Variants in SLCO3A1 observed in about 807,000 individuals in gnomAD.
The protein encoded by SLCO3A1 is PGE1 transporter.
In SLCO3A1, 27 loss-of-function variants were observed where a neutral mutation model predicts 63.1. The ratio of observed to expected loss-of-function variants is 0.43; its 90% CI spans 0.32 to 0.59. The LOEUF (loss-of-function observed/expected upper bound fraction) is 0.59. SLCO3A1 is among the 20% of genes least tolerant of loss of function. The pLI, the probability that SLCO3A1 is intolerant of heterozygous loss-of-function variation, is 0.09. For synonymous variants in SLCO3A1, 473 were observed against 409.9 expected, an observed-to-expected ratio of 1.15 and a Z score of -1.86; for missense variants, 773 against 945.8, an observed-to-expected ratio of 0.82 and a Z score of 2.40.
intron 3 of SLCO3A1, among the ~76,000 whole-genome samples, chr15:92,100,671 C>A (rs768836845): frequency 1.3e-5 from 2 of 152,194 alleles, no homozygotes; most frequent in African/African-American, 4.8e-5. Flanking sequence ...CTATGCCAAG[C>A]CTGCCTGAGA....
intron 2 of SLCO3A1, among the ~76,000 whole-genome samples, chr15:92,055,242 CT>C (rs1267262607): frequency 3.3e-5 from 5 of 152,048 alleles, no homozygotes; most frequent in African/African-American, 7.3e-5. Context: ...GCATAAATGT[CT>C]TCTCTTGAGA....
chr15:92,164,459 C>T lies in SLCO3A1; in HGVS notation c.*1324C>T, dbSNP rs1200830971. The stretch of plus-strand genomic sequence containing the variant: ...ATTCAGTGATCACTGTCACGGGAAA[C>T]CCTTTTATATTCATGCTTGACATTC... On this transcript the variant is annotated 3_prime_UTR_variant, in exon 10 of 10. Transcript: ENST00000318445. 1.3e-5 allele frequency: 13 copies of T among 985,420 alleles called. No homozygotes were observed. Among genetic ancestry groups the T allele is most frequent in the Non-Finnish European group, 1.4e-5 (12 of 829,946 alleles). 61.0% of individuals were successfully genotyped at this position (985,420 alleles called of 1,614,324 possible).
At chr15:92,112,596 G>A (rs552688985) in intron 4 of SLCO3A1, among the ~76,000 whole-genome samples, 1 of 152,128 alleles carries the variant, frequency 6.6e-6, no homozygotes, top group Non-Finnish European at 1.5e-5. Flanking sequence ...CAGAAGCAGT[G>A]GGGGGTTCTT....
chr15:91,940,221 A>C (rs1194952263), intron 2 of SLCO3A1, among the ~76,000 whole-genome samples: 1 of 152,164 alleles, frequency 6.6e-6, no homozygotes, highest in Non-Finnish European at 1.5e-5. Context: ...GCCTAGGTTC[A>C]GGTCAGTGTC....
At chr15:92,005,149 T>G (rs138372042) in intron 2 of SLCO3A1, among the ~76,000 whole-genome samples, 49 of 152,340 alleles carry the variant, frequency 3.2e-4, no homozygotes, top group Non-Finnish European at 4.3e-4. Context: ...GAAACAAGTC[T>G]TTAGAACCCT....
At chr15:91,924,358 A>C (rs1898943323) in intron 2 of SLCO3A1, among the ~76,000 whole-genome samples, 2 of 152,168 alleles carry the variant, frequency 1.3e-5, no homozygotes, top group African/African-American at 4.8e-5. Flanking sequence ...CAACTCATTG[A>C]AATCTTCTCC....
intron 2 of SLCO3A1, among the ~76,000 whole-genome samples, chr15:91,921,200 C>T (rs929649064): frequency 6.6e-6 from 1 of 152,212 alleles, no homozygotes; most frequent in East Asian, 1.9e-4. Context: ...TGTGTCCTCA[C>T]GTGGTCTTCC....
rs1453837171 is a variant in SLCO3A1, at chr15:91,872,270, C to T, written c.180+18182C>T. Among the ~76,000 whole-genome samples the T allele has an allele frequency of 2.0e-5, 3 of 152,160 alleles. No homozygotes were observed. The highest frequency in any genetic ancestry group is 6.5e-5 in the Admixed American group (1 of 15,282). On this transcript the variant is annotated intron_variant, in intron 1 of 9. Coordinates refer to ENST00000318445, the MANE Select transcript of SLCO3A1 (RefSeq NM_013272.4). This position sits in a 1 kb window ranked among gnomAD's most constrained non-coding sequence, Gnocchi z 4.1. ...TGTGCTGGATGGGCACGGTGGCTCA[C>T]GCCTGTAATCCCAGCACTTTGGGAA...
At chr15:92,034,135 T>G (rs2046693203) in intron 2 of SLCO3A1, among the ~76,000 whole-genome samples, 7 of 148,176 alleles carry the variant, frequency 4.7e-5, no homozygotes, top group South Asian at 2.1e-4. Flanking sequence ...TGTGGAGGAG[T>G]GAGGAGGAAA....
chr15:91,905,954 G>A (rs1416950517), intron 1 of SLCO3A1, among the ~76,000 whole-genome samples: 2 of 152,178 alleles, frequency 1.3e-5, no homozygotes, highest in Non-Finnish European at 1.5e-5. Flanking sequence ...CCTTGCTGAC[G>A]CAGGGGCACA....
At chr15:92,010,508 A>G (rs2046357599) in intron 2 of SLCO3A1, among the ~76,000 whole-genome samples, 1 of 152,174 alleles carries the variant, frequency 6.6e-6, no homozygotes, top group Non-Finnish European at 1.5e-5. Flanking sequence ...TCAATGGCAT[A>G]TTGATTGGTG....
chr15:92,101,931 C>G (rs78135166), intron 3 of SLCO3A1, among the ~76,000 whole-genome samples: 1 of 152,056 alleles, frequency 6.6e-6, no homozygotes, highest in East Asian at 1.9e-4. Context: ...CAAGTTGACA[C>G]GTTCACACAA....
At chr15:92,010,951 A>C (rs1158325030) in intron 2 of SLCO3A1, among the ~76,000 whole-genome samples, 1 of 152,234 alleles carries the variant, frequency 6.6e-6, no homozygotes, top group African/African-American at 2.4e-5. Flanking sequence ...GGATCTTCAC[A>C]GTAGCCATCT....
intron 1 of SLCO3A1, among the ~76,000 whole-genome samples, chr15:91,915,557 GA>G (rs1447463629): frequency 6.6e-6 from 1 of 152,132 alleles, no homozygotes; most frequent in Non-Finnish European, 1.5e-5. Flanking sequence ...ACCTCCTGCG[GA>G]AAATCTCCTG....
At chr15:92,072,500 G>C (rs1381279653) in intron 2 of SLCO3A1, among the ~76,000 whole-genome samples, 3 of 152,036 alleles carry the variant, frequency 2.0e-5, no homozygotes, top group Non-Finnish European at 4.4e-5. Context: ...ACAAAAGATT[G>C]GTTTTCTGAG....
At chr15:92,159,282 C>G (rs1384330422) in intron 9 of SLCO3A1, among the ~76,000 whole-genome samples, 1 of 152,084 alleles carries the variant, frequency 6.6e-6, no homozygotes, top group Non-Finnish European at 1.5e-5. Flanking sequence ...GTCAAGAGAT[C>G]GAGACCATCC....
In SLCO3A1 at chr15:91,916,740, A is replaced by G. The variant is rs1287815535; in HGVS notation, c.646+282A>G. On this transcript the variant is annotated intron_variant, in intron 2 of 9. Transcript: ENST00000318445. This position sits in a 1 kb window ranked among gnomAD's most constrained non-coding sequence, Gnocchi z 6.2. ...CATGATCGGGAGGAGTTGTATGTTTATCTCTTCTTTTTGAGTGCGTATGTG... is the reference window on the plus strand; with the variant it reads ...CATGATCGGGAGGAGTTGTATGTTTGTCTCTTCTTTTTGAGTGCGTATGTG... Among the ~76,000 whole-genome samples the G allele has an allele frequency of 6.6e-6, 1 of 152,194 alleles. No individual in the cohort carries two copies. Among genetic ancestry groups the G allele is most frequent in the African/African-American group, 2.4e-5 (1 of 41,448 alleles).
intron 9 of SLCO3A1, among the ~76,000 whole-genome samples, chr15:92,151,687 G>A (rs113025394): frequency 0.016 from 2,404 of 152,234 alleles, 22 homozygotes; most frequent in South Asian, 0.026. Context: ...ATACCACACC[G>A]TTGCTTTATG....
At chr15:92,030,984 A>AGCAGCCAACCATCTG (rs543844847) in intron 2 of SLCO3A1, among the ~76,000 whole-genome samples, 27,123 of 130,376 alleles carry the variant, frequency 0.21, 2,720 homozygotes, top group Non-Finnish European at 0.22. Context: ...CTGTAGCTGC[A>AGCAGCCAACCATCTG]GCATCTTGTC....
Sources: allele counts gnomAD v4.1 joint callset (sites outside exome capture counted in the v4.1 genomes callset), GRCh38; gene constraint gnomAD v4.1.1; non-coding constraint Gnocchi (gnomAD v3.1); transcripts MANE v1.5; gene names NCBI Gene and HGNC (gene_info 2026-07-23, HGNC 2026-07-21).